LRRTM4: variants seen among roughly 807,000 people sequenced by gnomAD.
LRRTM4 encodes leucine rich repeat transmembrane neuronal 4.
Under a neutral mutation model 47.6 loss-of-function variants are expected in LRRTM4, and 25 were observed. The ratio of observed to expected loss-of-function variants is 0.53; its 90% CI spans 0.38 to 0.73. The LOEUF is 0.73. LRRTM4 is among the 30% of genes least tolerant of loss of function. LRRTM4 has a pLI of 0.00. For synonymous variants in LRRTM4, 311 were observed against 269.5 expected (o/e 1.15, Z -1.51); for missense variants, 638 against 713.4 (o/e 0.89, Z 1.20).
At chr2:77,148,395 C>T (rs116758774) in intron 3 of LRRTM4, among the ~76,000 whole-genome samples, 2,439 of 152,192 alleles carry the variant, frequency 0.016, 28 homozygotes, top group Non-Finnish European at 0.027. Flanking sequence ...ACTAAGAATG[C>T]GAGAAATTTA....
intron 3 of LRRTM4, among the ~76,000 whole-genome samples, chr2:77,073,804 T>C (rs1573532751): frequency 1.3e-5 from 2 of 152,182 alleles, no homozygotes; most frequent in African/African-American, 4.8e-5. Flanking sequence ...TTTACAATAG[T>C]TTTAAAAATT....
intron 3 of LRRTM4, among the ~76,000 whole-genome samples, chr2:76,813,612 C>A (rs948351223): frequency 6.6e-6 from 1 of 152,004 alleles, no homozygotes; most frequent in African/African-American, 2.4e-5. Flanking sequence ...TCAGACAGTA[C>A]AAAATGATGA....
intron 3 of LRRTM4, among the ~76,000 whole-genome samples, chr2:77,087,636 C>T (rs1461628388): frequency 6.6e-6 from 1 of 152,038 alleles, no homozygotes; most frequent in Non-Finnish European, 1.5e-5. Flanking sequence ...TTATCAGGAA[C>T]AATAAGAAAC....
intron 3 of LRRTM4, among the ~76,000 whole-genome samples, chr2:76,848,257 C>G (rs1035356586): frequency 6.6e-6 from 1 of 152,112 alleles, no homozygotes; most frequent in Admixed American, 6.6e-5. Flanking sequence ...ATACTAAACA[C>G]TGTAATTCAT....
intron 3 of LRRTM4, among the ~76,000 whole-genome samples, chr2:77,112,858 C>T (rs1671286533): frequency 6.6e-6 from 1 of 152,108 alleles, no homozygotes; most frequent in Non-Finnish European, 1.5e-5. Flanking sequence ...TGATCAGGTA[C>T]ATTTTGTTGC....
intron 3 of LRRTM4, among the ~76,000 whole-genome samples, chr2:77,316,874 A>G (rs1375782684): frequency 2.0e-5 from 3 of 152,316 alleles, no homozygotes; most frequent in Admixed American, 6.5e-5. Flanking sequence ...CAATTTGCCA[A>G]TTAAGTATCA....
chr2:77,482,633 C>A (rs11695329), intron 3 of LRRTM4, among the ~76,000 whole-genome samples: 7,908 of 152,132 alleles, frequency 0.052, 254 homozygotes, highest in Middle Eastern at 0.1. Flanking sequence ...TATTAGTTGA[C>A]ATGAAAAAAT....
chr2:77,050,338 C>G (rs927713432), intron 3 of LRRTM4, among the ~76,000 whole-genome samples: 1 of 152,092 alleles, frequency 6.6e-6, no homozygotes, highest in African/African-American at 2.4e-5. Context: ...TGCCAATTCT[C>G]TACTCGAGGC....
chr2:76,974,225 T>TATATATATATACAC (rs1226423130), intron 3 of LRRTM4, among the ~76,000 whole-genome samples: 2 of 99,066 alleles, frequency 2.0e-5, no homozygotes, highest in South Asian at 5.2e-4. Context: ...TATATATACA[T>TATATATATATACAC]ACATATATAT....
chr2:77,063,857 CA>C (rs1679871311), intron 3 of LRRTM4, among the ~76,000 whole-genome samples: 1 of 151,990 alleles, frequency 6.6e-6, no homozygotes, highest in East Asian at 1.9e-4. Flanking sequence ...ATCAATTGAG[CA>C]GGCTACTGTT....
chr2:76,892,904 T>A (rs1929452), intron 3 of LRRTM4, among the ~76,000 whole-genome samples: 55,259 of 151,222 alleles, frequency 0.37, 11,066 homozygotes, highest in East Asian at 0.72. Flanking sequence ...ACATTGAAAC[T>A]GCACTCCATC....
At chr2:76,893,170 C>T (rs1009535541) in intron 3 of LRRTM4, among the ~76,000 whole-genome samples, 1 of 151,552 alleles carries the variant, frequency 6.6e-6, no homozygotes, top group African/African-American at 2.4e-5. Flanking sequence ...CTCATTTCAT[C>T]ACAAAACATC....
chr2:77,191,796 G>A (rs1244213775), intron 3 of LRRTM4, among the ~76,000 whole-genome samples: 3 of 152,044 alleles, frequency 2.0e-5, no homozygotes, highest in Non-Finnish European at 4.4e-5. Flanking sequence ...TGGAGTACAT[G>A]TTCAAGGTGT....
chr2:77,024,811 C>T (rs1004960120), intron 3 of LRRTM4, among the ~76,000 whole-genome samples: 2 of 152,072 alleles, frequency 1.3e-5, no homozygotes, highest in African/African-American at 2.4e-5. Flanking sequence ...ATTTTAAACA[C>T]TGAATCTAGT....
At chr2:77,349,029 A>G (rs1671667450) in intron 3 of LRRTM4, among the ~76,000 whole-genome samples, 1 of 151,982 alleles carries the variant, frequency 6.6e-6, no homozygotes, top group South Asian at 2.1e-4. Flanking sequence ...CATTTCCAGT[A>G]ATATCAGGAG....
chr2:76,987,722 C>A (rs1676852906), intron 3 of LRRTM4, among the ~76,000 whole-genome samples: 1 of 151,764 alleles, frequency 6.6e-6, no homozygotes, highest in African/African-American at 2.4e-5. Context: ...GTTTCTCGAA[C>A]AACCAGTACG....
intron 3 of LRRTM4, among the ~76,000 whole-genome samples, chr2:77,103,667 A>ATATATATATATATATATATATATATC (rs145819033): frequency 4.1e-5 from 6 of 146,258 alleles, no homozygotes; most frequent in East Asian, 2.1e-4. Flanking sequence ...ATATATAGAT[A>ATATATATATATATATATATATATATC]TATATATCAC....
chr2:77,478,696 G>A lies in LRRTM4; in HGVS notation c.1551+39622C>T, dbSNP rs542953988. Reference sequence around the variant, plus strand: ...AAGTGATTCAACTAGATAAAATGAAGTTCTATTTGTTCAAGTCATTTCAGA... The same window carrying A: ...AAGTGATTCAACTAGATAAAATGAAATTCTATTTGTTCAAGTCATTTCAGA... On this transcript the variant is annotated intron_variant, in intron 3 of 3. Transcript: ENST00000409884. Among the ~76,000 whole-genome samples the A allele has an allele frequency of 2.0e-5, 3 of 152,236 alleles. No homozygotes were observed. The East Asian group carries it at 5.8e-4, about 29-fold the overall frequency.
chr2:77,225,315 T>C (rs1453668825), intron 3 of LRRTM4, among the ~76,000 whole-genome samples: 5 of 137,268 alleles, frequency 3.6e-5, no homozygotes, highest in Admixed American at 3.4e-4. Flanking sequence ...TATACATATG[T>C]AACAAACCTG....
Sources: gnomAD v4.1 joint callset for allele counts (sites outside exome capture counted in the v4.1 genomes callset) on GRCh38, gnomAD v4.1.1 for gene constraint, MANE v1.5 for transcripts, NCBI Gene and HGNC (gene_info 2026-07-23, HGNC 2026-07-21) for gene names.